Variants in AGMO observed in about 807,000 individuals in gnomAD.
AGMO encodes the protein glyceryl-ether monooxygenase.
AGMO carries 75 observed loss-of-function variants against 60.2 expected under a neutral mutation model. The ratio of observed to expected loss-of-function variants is 1.25; its 90% CI spans 1.03 to 1.51. The LOEUF (loss-of-function observed/expected upper bound fraction) is 1.51, where lower values mean the gene tolerates loss of function less well. Among genes scored for constraint, AGMO ranks in the 40% most tolerant of loss-of-function variants. The pLI, the probability that AGMO is intolerant of heterozygous loss-of-function variation, is 0.00. For missense variants in AGMO, 763 were observed against 525.5 expected, an observed-to-expected ratio of 1.45 and a Z score of -4.42; for synonymous variants, 261 against 177.1, an observed-to-expected ratio of 1.47 and a Z score of -3.76.
Position 15,257,861 on chromosome 7 carries a change from C to T in AGMO, c.1264-56502G>A, listed in dbSNP as rs533145406. Among the ~76,000 whole-genome samples, 54 of 152,186 alleles carry T rather than the reference C, an allele frequency of 3.5e-4. 1 individual carries two copies. The South Asian group carries it at 5.6e-3, about 16-fold the overall frequency. ...TTGTGGGCAGTGGAGATTACCCACC[C>T]GTTTAATAGTTTATGCTAAAACATA... is the stretch of plus-strand genomic sequence containing the variant. On this transcript the variant is annotated intron_variant, in intron 12 of 12. Coordinates refer to ENST00000342526, the MANE Select transcript of AGMO (RefSeq NM_001004320.2).
chr7:15,154,684 T>A, the AGMO span, among the ~76,000 whole-genome samples: 1 of 152,248 alleles, frequency 6.6e-6, no homozygotes, highest in South Asian at 2.1e-4. Context: ...ATTATATAGT[T>A]GCTTTATAGT....
At chr7:15,493,366 T>A (rs1168520095) in intron 3 of AGMO, among the ~76,000 whole-genome samples, 2 of 6,250 alleles carry the variant, frequency 3.2e-4, no homozygotes, top group Non-Finnish European at 5.6e-4. Flanking sequence ...CACACACTTC[T>A]TTTTTTTTTT....
At chr7:15,165,925 A>G in the AGMO span, among the ~76,000 whole-genome samples, 1 of 152,178 alleles carries the variant, frequency 6.6e-6, no homozygotes, top group Non-Finnish European at 1.5e-5. Flanking sequence ...AATTTTAAGT[A>G]TACCTTAAGT....
intron 3 of AGMO, among the ~76,000 whole-genome samples, chr7:15,527,027 T>C (rs1160723682): frequency 2.6e-5 from 4 of 152,138 alleles, no homozygotes; most frequent in Non-Finnish European, 1.5e-5. Flanking sequence ...CTCTCTCTCA[T>C]TGTGCCTCCC....
intron 12 of AGMO, among the ~76,000 whole-genome samples, chr7:15,359,109 G>GA (rs1179712428): frequency 6.6e-6 from 1 of 151,950 alleles, no homozygotes; most frequent in Non-Finnish European, 1.5e-5. Flanking sequence ...CTAACATGGT[G>GA]AAACCCCGTC....
chr7:15,391,631 C>A (rs1162473229), intron 6 of AGMO, among the ~76,000 whole-genome samples: 3 of 152,152 alleles, frequency 2.0e-5, no homozygotes, highest in African/African-American at 7.2e-5. Context: ...TGCATGGTTT[C>A]CATGCATGCA....
At chr7:15,471,024 T>G (rs542031702) in intron 3 of AGMO, among the ~76,000 whole-genome samples, 2 of 151,992 alleles carry the variant, frequency 1.3e-5, no homozygotes, top group Non-Finnish European at 2.9e-5. Flanking sequence ...TGGAGATACA[T>G]TTGCTCTCTG....
the AGMO span, among the ~76,000 whole-genome samples, chr7:15,178,332 G>A: frequency 6.6e-6 from 1 of 152,114 alleles, no homozygotes. Context: ...AAACTTTCTT[G>A]TCTCTCAGGC....
chr7:15,155,419 C>CTTTTTTTT, the AGMO span, among the ~76,000 whole-genome samples: 126 of 63,948 alleles, frequency 2.0e-3, 2 homozygotes, highest in African/African-American at 2.6e-3. Context: ...TACAGAATTT[C>CTTTTTTTT]TTTTTTTTTT....
intron 8 of AGMO, among the ~76,000 whole-genome samples, chr7:15,389,121 T>C (rs2128484522): frequency 6.6e-6 from 1 of 152,306 alleles, no homozygotes; most frequent in Middle Eastern, 3.4e-3. Context: ...CCCAAAGCCT[T>C]GCTTCTGAAA....
chr7:15,301,951 G>A (rs1022265277), intron 12 of AGMO, among the ~76,000 whole-genome samples: 7 of 152,040 alleles, frequency 4.6e-5, no homozygotes, highest in Non-Finnish European at 7.4e-5. Flanking sequence ...CTGAAAGAAG[G>A]GAAATAGTAT....
chr7:15,376,935 T>TG (rs1783480460), intron 10 of AGMO, among the ~76,000 whole-genome samples: 1 of 151,516 alleles, frequency 6.6e-6, no homozygotes, highest in African/African-American at 2.4e-5. Context: ...GCCATCAAAT[T>TG]GCTCTCTTGA....
chr7:15,430,766 C>G (rs962430678), intron 4 of AGMO, among the ~76,000 whole-genome samples: 6 of 151,454 alleles, frequency 4.0e-5, no homozygotes, highest in Admixed American at 2.0e-4. Context: ...CTCACATTGT[C>G]GTATACTTTG....
At chr7:15,466,897 AG>A (rs1782308846) in intron 3 of AGMO, among the ~76,000 whole-genome samples, 1 of 152,120 alleles carries the variant, frequency 6.6e-6, no homozygotes, top group African/African-American at 2.4e-5. Context: ...AAACAATTGT[AG>A]GTAAGGTTAC....
At chr7:15,297,779 A>AATTATATGC (rs1784446424) in intron 12 of AGMO, among the ~76,000 whole-genome samples, 3 of 152,160 alleles carry the variant, frequency 2.0e-5, no homozygotes, top group Admixed American at 2.0e-4. Context: ...ATGGAAAGAG[A>AATTATATGC]ATTATATGCA....
At chr7:15,492,409 G>T (rs1783090835) in intron 3 of AGMO, among the ~76,000 whole-genome samples, 1 of 140,038 alleles carries the variant, frequency 7.1e-6, no homozygotes, top group African/African-American at 2.7e-5. Flanking sequence ...TAGCCATAAA[G>T]AACGTCTAGA....
chr7:15,538,302 A>G (rs1359727703), intron 3 of AGMO, among the ~76,000 whole-genome samples: 1 of 152,112 alleles, frequency 6.6e-6, no homozygotes, highest in Non-Finnish European at 1.5e-5. Context: ...GCACACTCAT[A>G]GCTCACTGGA....
chr7:15,329,189 T>G (rs1781430226), intron 12 of AGMO, among the ~76,000 whole-genome samples: 3 of 152,196 alleles, frequency 2.0e-5, no homozygotes, highest in Non-Finnish European at 2.9e-5. Flanking sequence ...CGTAAACTCC[T>G]CAGGGGCTTC....
At chr7:15,241,741 T>C (rs1427648111) in intron 12 of AGMO, among the ~76,000 whole-genome samples, 1 of 152,194 alleles carries the variant, frequency 6.6e-6, no homozygotes, top group African/African-American at 2.4e-5. Context: ...TCCCATTTAT[T>C]GTTACATAAT....
Sources: gnomAD v4.1 joint callset for allele counts (sites outside exome capture counted in the v4.1 genomes callset) on GRCh38, gnomAD v4.1.1 for gene constraint, MANE v1.5 for transcripts, NCBI Gene and HGNC (gene_info 2026-07-23, HGNC 2026-07-21) for gene names.